Variants in CFAP61 observed in about 807,000 individuals in gnomAD.
CFAP61 encodes the protein cilia and flagella associated protein 61.
Under a neutral mutation model 135.6 loss-of-function variants are expected in CFAP61, and 107 were observed. That is an observed-to-expected ratio of 0.79 (90% confidence interval 0.67 to 0.93). The LOEUF (loss-of-function observed/expected upper bound fraction) is 0.93. Among genes scored for constraint, CFAP61 ranks in the 40% least tolerant of loss-of-function variants. The probability of loss-of-function intolerance (pLI) is 0.00; values close to 1 mark genes in which losing one functional copy is unlikely to be tolerated. For missense variants in CFAP61, 1,507 were observed against 1,556.2 expected (o/e 0.97, Z 0.53); for synonymous variants, 575 against 578.5 (o/e 0.99, Z 0.09).
intron 17 of CFAP61, chr20:20,221,875 A>G (rs2048426959): frequency 6.6e-6 from 1 of 152,234 alleles, no homozygotes; most frequent in African/African-American, 2.4e-5. Flanking sequence ...ATTCATTTCA[A>G]TGCCAAATCA....
intron 2 of CFAP61, among the ~76,000 whole-genome samples, chr20:20,060,023 A>G (rs146413211): frequency 9.2e-5 from 14 of 152,264 alleles, no homozygotes; most frequent in African/African-American, 3.4e-4. Context: ...TGTACCCATC[A>G]TAATGAAACA....
chr20:20,265,521 AC>A (rs1468771052), intron 21 of CFAP61: 1 of 778,836 alleles, frequency 1.3e-6, no homozygotes, highest in Non-Finnish European at 2.4e-6. Flanking sequence ...TTTAAGACTG[AC>A]TCCCAGCAGC....
At chr20:20,209,748 G>T (rs533622020) in intron 17 of CFAP61, among the ~76,000 whole-genome samples, 4 of 152,118 alleles carry the variant, frequency 2.6e-5, no homozygotes, top group Non-Finnish European at 5.9e-5. Flanking sequence ...AGGCAGGTAG[G>T]AAAGACATCC....
intron 7 of CFAP61, 101 bp downstream of exon 7, chr20:20,091,077 C>A: frequency 7.3e-7 from 1 of 1,372,222 alleles, no homozygotes; most frequent in Non-Finnish European, 1.0e-6. Flanking sequence ...CTGCCATTGT[C>A]TCCCTGGCCA....
At chr20:20,099,379 G>A (rs979770363) in intron 8 of CFAP61, among the ~76,000 whole-genome samples, 8 of 152,066 alleles carry the variant, frequency 5.3e-5, no homozygotes, top group African/African-American at 7.2e-5. Flanking sequence ...TTTTCACCAC[G>A]TTCAATTAGG....
chr20:20,240,832 C>A (rs1168976219), intron 18 of CFAP61, among the ~76,000 whole-genome samples: 1 of 152,188 alleles, frequency 6.6e-6, no homozygotes, highest in East Asian at 1.9e-4. Flanking sequence ...GTGGGACTTT[C>A]AGGAAGTCTC....
chr20:20,113,752 CT>C (rs1333693158), intron 8 of CFAP61, among the ~76,000 whole-genome samples: 4 of 152,098 alleles, frequency 2.6e-5, no homozygotes, highest in Non-Finnish European at 1.5e-5. Flanking sequence ...TTCTTTCCCC[CT>C]ATTGCAGTAC....
chr20:20,098,060 G>A (rs1600628912), intron 7 of CFAP61, among the ~76,000 whole-genome samples: 2 of 152,268 alleles, frequency 1.3e-5, no homozygotes, highest in African/African-American at 4.8e-5. Context: ...GCAGGCAGGA[G>A]CATGGTCTGA....
chr20:20,068,311 G>GTCATGACTCTGGTCA (rs2045453913), intron 2 of CFAP61, among the ~76,000 whole-genome samples: 1 of 152,220 alleles, frequency 6.6e-6, no homozygotes, highest in Admixed American at 6.5e-5. Context: ...GAGACCATAG[G>GTCATGACTCTGGTCA]TCATGACTCT....
intron 12 of CFAP61, 136 bp from the exon 13 acceptor site, chr20:20,169,185 T>C (rs1203844052): frequency 1.3e-6 from 1 of 764,800 alleles, no homozygotes; most frequent in Non-Finnish European, 2.0e-6. Context: ...TTCCAAATTA[T>C]AGGAAAGGTA....
intron 18 of CFAP61, among the ~76,000 whole-genome samples, chr20:20,237,823 A>G (rs2049710844): frequency 6.6e-6 from 1 of 152,180 alleles, no homozygotes; most frequent in African/African-American, 2.4e-5. Flanking sequence ...AAATCTCTTT[A>G]ATACTTAACA....
At chr20:20,202,297 G>C (rs1305915963) in intron 17 of CFAP61, among the ~76,000 whole-genome samples, 1 of 152,250 alleles carries the variant, frequency 6.6e-6, no homozygotes, top group East Asian at 1.9e-4. Flanking sequence ...CCTGCTGCTC[G>C]TGCTATTGTG....
chr20:20,178,978 T>G (rs1308700707), intron 13 of CFAP61, among the ~76,000 whole-genome samples: 1 of 152,204 alleles, frequency 6.6e-6, no homozygotes, highest in Non-Finnish European at 1.5e-5. Flanking sequence ...AAGACTCAGA[T>G]CACTTTTTCT....
At chr20:20,201,282 G>C (rs954073914) in intron 17 of CFAP61, among the ~76,000 whole-genome samples, 1 of 152,192 alleles carries the variant, frequency 6.6e-6, no homozygotes, top group South Asian at 2.1e-4. Flanking sequence ...ATGGGCACCT[G>C]TTCCAGAACA....
chr20:20,323,128 T>C (rs2057597982), intron 25 of CFAP61: 1 of 985,342 alleles, frequency 1.0e-6, no homozygotes, highest in Non-Finnish European at 1.2e-6. Flanking sequence ...CTTCAACTTC[T>C]TCCCGCCAAG....
Position 20,265,616 on chromosome 20 carries a change from T to C in CFAP61, c.2503+2486T>C, listed in dbSNP as rs2052661961. 1.4e-5 allele frequency: 10 copies of C among 696,444 alleles called. No homozygotes were observed. In the Admixed American group the frequency reaches 2.1e-4, roughly 14 times the overall value. 43.1% of individuals were successfully genotyped at this position (696,444 alleles called of 1,614,324 possible). On this transcript the variant is annotated intron_variant, in intron 21 of 26. Transcript: ENST00000245957. Reference sequence around the variant, plus strand: ...GTATGTGGAAATTAGTTTCCTGTCTTACATGTAGGTGATTTTCTCCAGGTC... The same window carrying C: ...GTATGTGGAAATTAGTTTCCTGTCTCACATGTAGGTGATTTTCTCCAGGTC...
intron 17 of CFAP61, among the ~76,000 whole-genome samples, chr20:20,217,777 CCAGCCTTTTG>C (rs2048135311): frequency 6.6e-6 from 1 of 152,194 alleles, no homozygotes; most frequent in South Asian, 2.1e-4. Context: ...GCTTTCCCTC[CCAGCCTTTTG>C]TCCCAACTCC....
chr20:20,174,329 C>T (rs2054447862), intron 13 of CFAP61, among the ~76,000 whole-genome samples: 1 of 152,172 alleles, frequency 6.6e-6, no homozygotes, highest in Non-Finnish European at 1.5e-5. Context: ...TCTCTGAGTG[C>T]CATGGTTGTG....
At chr20:20,217,131 A>G (rs1382359506) in intron 17 of CFAP61, among the ~76,000 whole-genome samples, 2 of 152,244 alleles carry the variant, frequency 1.3e-5, no homozygotes, top group Non-Finnish European at 2.9e-5. Flanking sequence ...TAGCCTTAGC[A>G]TACTCTGTAG....
Sources: allele counts gnomAD v4.1 joint callset (sites outside exome capture counted in the v4.1 genomes callset), GRCh38; gene constraint gnomAD v4.1.1; transcripts MANE v1.5; gene names NCBI Gene and HGNC (gene_info 2026-07-23, HGNC 2026-07-21).